The following FMN2 variants were observed in gnomAD, a reference collection of about 807,000 sequenced individuals.
The protein encoded by FMN2 is formin-2.
A neutral mutation model predicts 142.3 loss-of-function variants in FMN2; 51 were observed. The observed-to-expected ratio is 0.36, with a 90% CI of 0.29 to 0.45. The LOEUF is 0.45. Ranked by LOEUF, FMN2 falls within the 20% of genes least tolerant of loss-of-function variation. The probability of loss-of-function intolerance (pLI) is 1.00; values close to 1 mark genes in which losing one functional copy is unlikely to be tolerated. For missense variants in FMN2, 1,936 were observed against 2,122.8 expected (o/e 0.91, Z 1.73); for synonymous variants, 882 against 869.8 (o/e 1.01, Z -0.25).
intron 15 of FMN2, among the ~76,000 whole-genome samples, chr1:240,422,751 C>T (rs551315825): frequency 6.6e-6 from 1 of 152,114 alleles, no homozygotes; most frequent in East Asian, 1.9e-4. Context: ...TGTCTTATTG[C>T]AATAAATATA....
intron 8 of FMN2, among the ~76,000 whole-genome samples, chr1:240,321,818 A>G (rs1272065570): frequency 2.0e-5 from 3 of 152,162 alleles, no homozygotes; most frequent in Admixed American, 1.3e-4. Context: ...TAATTTAAAG[A>G]AAAAAATCAA....
At chr1:240,260,740 G>T (rs528921450) in intron 7 of FMN2, among the ~76,000 whole-genome samples, 1 of 151,996 alleles carries the variant, frequency 6.6e-6, no homozygotes, top group Non-Finnish European at 1.5e-5. Flanking sequence ...TTTGACACGC[G>T]GAAGCTCTTT....
chr1:240,328,129 C>T (rs1227469222), intron 8 of FMN2, among the ~76,000 whole-genome samples: 33 of 82,312 alleles, frequency 4.0e-4, no homozygotes, highest in African/African-American at 1.2e-3. Context: ...ACCTGGGTGA[C>T]GGAGCAAGAC....
chr1:240,440,199 G>A (rs1222112921), intron 16 of FMN2, among the ~76,000 whole-genome samples: 3 of 151,954 alleles, frequency 2.0e-5, no homozygotes, highest in South Asian at 2.1e-4. Flanking sequence ...CCTCCCTGTC[G>A]CTTTCTTCTG....
chr1:240,371,512 C>A (rs1672866161), intron 14 of FMN2, among the ~76,000 whole-genome samples: 1 of 152,090 alleles, frequency 6.6e-6, no homozygotes, highest in African/African-American at 2.4e-5. Context: ...AAACTGAGTT[C>A]AAGACTAGCA....
intron 13 of FMN2, among the ~76,000 whole-genome samples, chr1:240,346,696 C>T (rs753667849): frequency 3.9e-5 from 6 of 152,010 alleles, no homozygotes; most frequent in Admixed American, 2.0e-4. Flanking sequence ...CTTTAATAAT[C>T]GTATACAAGA....
At chr1:240,169,370 T>C (rs1041106412) in intron 2 of FMN2, among the ~76,000 whole-genome samples, 1 of 152,214 alleles carries the variant, frequency 6.6e-6, no homozygotes, top group Non-Finnish European at 1.5e-5. Context: ...GCAATTCTTT[T>C]TGAGGTCAGT....
chr1:240,468,998 T>A (rs1361411031), intron 16 of FMN2, among the ~76,000 whole-genome samples: 1 of 152,208 alleles, frequency 6.6e-6, no homozygotes, highest in African/African-American at 2.4e-5. Flanking sequence ...GAAATAAAAT[T>A]GGCTTTTGGA....
intron 13 of FMN2, among the ~76,000 whole-genome samples, chr1:240,335,662 GA>G (rs1370456196): frequency 6.6e-6 from 1 of 152,144 alleles, no homozygotes; most frequent in East Asian, 1.9e-4. Flanking sequence ...CTATTATCAG[GA>G]TATCAGGATT....
chr1:240,167,376 G>A (rs1664523023), intron 2 of FMN2, among the ~76,000 whole-genome samples: 2 of 152,002 alleles, frequency 1.3e-5, no homozygotes, highest in Non-Finnish European at 2.9e-5. Flanking sequence ...TCAAACTCCT[G>A]GGCTCAAGTG....
chr1:240,374,960 G>T (rs905272587), intron 14 of FMN2, among the ~76,000 whole-genome samples: 1 of 152,068 alleles, frequency 6.6e-6, no homozygotes, highest in South Asian at 2.1e-4. Context: ...GTTTTTAATT[G>T]TAGGGTTATT....
At chr1:240,406,229 T>G (rs1165422593) in intron 15 of FMN2, among the ~76,000 whole-genome samples, 3 of 67,284 alleles carry the variant, frequency 4.5e-5, no homozygotes, top group Non-Finnish European at 8.4e-5. Flanking sequence ...GCCTCGGGAG[T>G]GGGGGAAGCG....
intron 2 of FMN2, among the ~76,000 whole-genome samples, chr1:240,155,375 C>T (rs1405188507): frequency 6.6e-6 from 1 of 152,124 alleles, no homozygotes; most frequent in African/African-American, 2.4e-5. Flanking sequence ...AACTCCTAGC[C>T]TCGAGTGATT....
intron 8 of FMN2, among the ~76,000 whole-genome samples, chr1:240,311,051 T>C (rs1670588952): frequency 6.6e-6 from 1 of 152,042 alleles, no homozygotes; most frequent in Admixed American, 6.6e-5. Context: ...AACACCCCCT[T>C]TGTCATTAAA....
chr1:240,333,024 T>A (rs976770546), intron 11 of FMN2, among the ~76,000 whole-genome samples: 43 of 152,312 alleles, frequency 2.8e-4, no homozygotes, highest in African/African-American at 9.9e-4. Context: ...TTGCTCTTTT[T>A]ACAAATATAG....
chr1:240,123,383 T>C (rs1662364401), intron 2 of FMN2, 38 bp downstream of exon 2: 1 of 1,593,478 alleles, frequency 6.3e-7, no homozygotes, highest in Admixed American at 1.7e-5. Context: ...TGAGGCAGAT[T>C]TGCTGTGGAA....
chr1:240,241,825 C>CTTCTTTT (rs1667908718), intron 6 of FMN2, among the ~76,000 whole-genome samples: 2 of 96,202 alleles, frequency 2.1e-5, no homozygotes, highest in South Asian at 3.5e-4. Context: ...GTGTGCCTTG[C>CTTCTTTT]TTTTTTTTTT....
chr1:240,412,814 AG>A (rs903746849), intron 15 of FMN2, among the ~76,000 whole-genome samples: 3 of 151,990 alleles, frequency 2.0e-5, no homozygotes, highest in Admixed American at 2.0e-4. Context: ...GTCTGGTGAA[AG>A]CCATGCTTTG....
chr1:240,246,250 G>A (rs967935013), intron 6 of FMN2, among the ~76,000 whole-genome samples: 15 of 152,160 alleles, frequency 9.9e-5, no homozygotes, highest in African/African-American at 1.4e-4. Context: ...CGCTTTTATC[G>A]CTCTCCGCAT....
Sources: allele counts gnomAD v4.1 joint callset (sites outside exome capture counted in the v4.1 genomes callset), GRCh38; gene constraint gnomAD v4.1.1; transcripts MANE v1.5; gene names NCBI Gene and HGNC (gene_info 2026-07-23, HGNC 2026-07-21).